Variants in SLC24A2 observed in about 807,000 individuals in gnomAD.
SLC24A2 encodes sodium/potassium/calcium exchanger 2.
In SLC24A2, 36 loss-of-function variants were observed where a neutral mutation model predicts 62.0. That is an observed-to-expected ratio of 0.58 (90% CI 0.44 to 0.77). SLC24A2 has a LOEUF of 0.77. Ranked by LOEUF, SLC24A2 falls within the 30% of genes least tolerant of loss-of-function variation. SLC24A2 has a pLI of 0.00. For synonymous variants in SLC24A2, 358 were observed against 294.0 expected (o/e 1.22, Z -2.23); for missense variants, 846 against 817.9 (o/e 1.03, Z -0.42).
the SLC24A2 span, among the ~76,000 whole-genome samples, chr9:19,794,906 CT>C: frequency 1.3e-5 from 2 of 152,110 alleles, no homozygotes; most frequent in African/African-American, 4.8e-5. Context: ...CGTGCTCCTG[CT>C]GCCTTCTTTC....
At chr9:20,153,876 T>A in the SLC24A2 span, among the ~76,000 whole-genome samples, 225 of 152,116 alleles carry the variant, frequency 1.5e-3, 3 homozygotes, top group South Asian at 0.025. Flanking sequence ...TAAGCATGTG[T>A]TGCTTTTAAA....
chr9:19,722,185 C>G (rs1338208867), intron 2 of SLC24A2, among the ~76,000 whole-genome samples: 1 of 152,008 alleles, frequency 6.6e-6, no homozygotes, highest in Non-Finnish European at 1.5e-5. Context: ...GAAGTGGGTG[C>G]TAATAGATTT....
chr9:20,104,849 A>C, the SLC24A2 span, among the ~76,000 whole-genome samples: 1 of 152,216 alleles, frequency 6.6e-6, no homozygotes, highest in African/African-American at 2.4e-5. Context: ...ACACATAACA[A>C]TATTAACTTT....
chr9:20,117,019 A>G, the SLC24A2 span, among the ~76,000 whole-genome samples: 1 of 152,088 alleles, frequency 6.6e-6, no homozygotes, highest in African/African-American at 2.4e-5. Flanking sequence ...TACCTCTACT[A>G]CTTTGGAAGG....
the SLC24A2 span, among the ~76,000 whole-genome samples, chr9:20,019,075 G>A: frequency 1.1e-5 from 1 of 93,710 alleles, no homozygotes; most frequent in Non-Finnish European, 2.1e-5. Context: ...GAAAGAAACA[G>A]AGAAAGAGAG....
the SLC24A2 span, among the ~76,000 whole-genome samples, chr9:20,088,773 C>T: frequency 1.4e-4 from 21 of 151,810 alleles, no homozygotes; most frequent in East Asian, 2.7e-3. Flanking sequence ...ACCTCTGCAT[C>T]GGGGTCCCCA....
At chr9:19,557,107 C>G (rs1276006412) in intron 7 of SLC24A2, among the ~76,000 whole-genome samples, 2 of 152,136 alleles carry the variant, frequency 1.3e-5, no homozygotes, top group African/African-American at 4.8e-5. Flanking sequence ...CAGTGCTAGG[C>G]CAACCCTGAG....
the SLC24A2 span, among the ~76,000 whole-genome samples, chr9:19,958,654 G>A: frequency 6.6e-6 from 1 of 152,216 alleles, no homozygotes; most frequent in Non-Finnish European, 1.5e-5. Flanking sequence ...TCTGAAAAAT[G>A]AGGATCAAAT....
At chr9:19,916,775 G>T in the SLC24A2 span, among the ~76,000 whole-genome samples, 1 of 151,678 alleles carries the variant, frequency 6.6e-6, no homozygotes, top group Non-Finnish European at 1.5e-5. Context: ...TGTTTTTCTG[G>T]CGTAAATGTT....
the SLC24A2 span, among the ~76,000 whole-genome samples, chr9:20,021,098 T>C: frequency 6.6e-6 from 1 of 152,268 alleles, no homozygotes; most frequent in South Asian, 2.1e-4. Context: ...TACACACATA[T>C]CCAAATATAA....
At chr9:19,657,762 C>T (rs183436374) in intron 2 of SLC24A2, among the ~76,000 whole-genome samples, 63 of 152,194 alleles carry the variant, frequency 4.1e-4, no homozygotes, top group South Asian at 8.3e-4. Flanking sequence ...CGTCTTGTGG[C>T]GTCATCCAGG....
intron 2 of SLC24A2, among the ~76,000 whole-genome samples, chr9:19,660,913 A>G (rs562159210): frequency 2.4e-4 from 37 of 152,280 alleles, no homozygotes; most frequent in Middle Eastern, 6.8e-3. Flanking sequence ...GAGGTTTTGT[A>G]ATTTTTTTAA....
chr9:19,779,607 G>GA (rs987088854), intron 2 of SLC24A2, among the ~76,000 whole-genome samples: 2 of 152,150 alleles, frequency 1.3e-5, no homozygotes, highest in African/African-American at 4.8e-5. Context: ...GGAATAGAGG[G>GA]AAAAAACTGT....
At chr9:19,608,056 T>C (rs1390083633) in intron 4 of SLC24A2, among the ~76,000 whole-genome samples, 2 of 152,242 alleles carry the variant, frequency 1.3e-5, no homozygotes, top group African/African-American at 2.4e-5. Flanking sequence ...CAGGGATTGA[T>C]ACTACTGTCA....
chr9:19,741,407 T>C (rs1199929099), intron 2 of SLC24A2, among the ~76,000 whole-genome samples: 2 of 152,220 alleles, frequency 1.3e-5, no homozygotes, highest in African/African-American at 2.4e-5. Context: ...AGAGGTTGCA[T>C]TGCCTTCTCT....
At chr9:19,988,211 C>T in the SLC24A2 span, among the ~76,000 whole-genome samples, 1 of 152,162 alleles carries the variant, frequency 6.6e-6, no homozygotes, top group African/African-American at 2.4e-5. Context: ...AGCTACCTTG[C>T]AAATCTGCCC....
chr9:19,758,154 G>C (rs1338456998), intron 2 of SLC24A2, among the ~76,000 whole-genome samples: 1 of 152,122 alleles, frequency 6.6e-6, no homozygotes, highest in Non-Finnish European at 1.5e-5. Context: ...GAAGAGATTT[G>C]ATCACTGCGT....
chr9:19,976,306 TGGAGGAGGGGCCTGGTG>T, the SLC24A2 span, among the ~76,000 whole-genome samples: 2 of 152,228 alleles, frequency 1.3e-5, no homozygotes, highest in African/African-American at 4.8e-5. Flanking sequence ...CCCCATGTGT[TGGAGGAGGGGCCTGGTG>T]GGAGGTGACT....
intron 2 of SLC24A2, among the ~76,000 whole-genome samples, chr9:19,757,102 A>C (rs1220862865): frequency 6.6e-6 from 1 of 151,876 alleles, no homozygotes; most frequent in Non-Finnish European, 1.5e-5. Context: ...AGAAATGCCT[A>C]CCTCAAAATT....
Sources: gnomAD v4.1 joint callset for allele counts (sites outside exome capture counted in the v4.1 genomes callset) on GRCh38, gnomAD v4.1.1 for gene constraint, MANE v1.5 for transcripts, NCBI Gene and HGNC (gene_info 2026-07-23, HGNC 2026-07-21) for gene names.